Variants in BSPH1 observed in about 807,000 individuals in gnomAD.
The protein encoded by BSPH1 is binder of sperm 1.
Under a neutral mutation model 22.5 loss-of-function variants are expected in BSPH1, and 21 were observed. That is an observed-to-expected ratio of 0.93 (90% CI 0.66 to 1.35). The LOEUF (loss-of-function observed/expected upper bound fraction) is 1.35. BSPH1 is among the 40% of genes most tolerant of loss of function. BSPH1 has a pLI of 0.00. For synonymous variants in BSPH1, 42 were observed against 53.6 expected, an observed-to-expected ratio of 0.78 and a Z score of 0.95; for missense variants, 141 against 154.2, an observed-to-expected ratio of 0.91 and a Z score of 0.45.
chr19:47,978,896 C>A (rs1354688962), intron 3 of BSPH1, among the ~76,000 whole-genome samples: 3 of 152,152 alleles, frequency 2.0e-5, no homozygotes, highest in South Asian at 2.1e-4. Flanking sequence ...ACTTTATTTT[C>A]TTTCAAACAT....
intron 5 of BSPH1, among the ~76,000 whole-genome samples, chr19:47,971,709 T>A (rs535134423): frequency 2.4e-3 from 369 of 152,296 alleles, no homozygotes; most frequent in Non-Finnish European, 4.5e-3. Context: ...GATCTTCACA[T>A]AGCTGGCCTA....
Position 47,976,698 on chromosome 19 carries a change from G to A in BSPH1, c.*2+12C>T. ...TTAAACGTCTTCATCCCCCTCCCCTGGTAAATCTCACCATCATTCACAGTA... is the reference window on the plus strand; with the variant it reads ...TTAAACGTCTTCATCCCCCTCCCCTAGTAAATCTCACCATCATTCACAGTA... On this transcript the variant is annotated intron_variant, in intron 5 of 5. Coordinates refer to ENST00000344839, the MANE Select transcript of BSPH1 (RefSeq NM_001128326.2). 6.5e-7 allele frequency: 1 copy of A among 1,549,414 alleles called. No individual in the cohort carries two copies. The highest frequency in any genetic ancestry group is 8.7e-7 in the Non-Finnish European group (1 of 1,145,474).
chr19:47,973,034 G>A (rs1384688324), intron 5 of BSPH1, among the ~76,000 whole-genome samples: 7 of 151,718 alleles, frequency 4.6e-5, no homozygotes, highest in Admixed American at 3.3e-4. Context: ...TGGCTAACAC[G>A]GTGAAACCCC....
chr19:47,969,960 C>T (rs905617695), intron 5 of BSPH1, among the ~76,000 whole-genome samples: 11 of 130,060 alleles, frequency 8.5e-5, no homozygotes, highest in African/African-American at 3.1e-4. Flanking sequence ...CTGAGAGAGA[C>T]TTTTAGAATT....
intron 1 of BSPH1, among the ~76,000 whole-genome samples, chr19:47,984,787 C>G (rs906628513): frequency 6.6e-6 from 1 of 152,006 alleles, no homozygotes; most frequent in Non-Finnish European, 1.5e-5. Flanking sequence ...TGGAAACCAA[C>G]TATTGATGGC....
chr19:47,977,514 A>G lies in BSPH1; in HGVS notation c.125-10T>C, dbSNP rs555389557. Reference sequence around the variant, plus strand: ...AAGACACACTCCCCATCTAGAGAAAACAAAATTCTTCCTCTGTTTCTGGGT... The same window carrying G: ...AAGACACACTCCCCATCTAGAGAAAGCAAAATTCTTCCTCTGTTTCTGGGT... On this transcript the variant is annotated splice_polypyrimidine_tract_variant and intron_variant, in intron 3 of 5. Transcript: ENST00000344839. The G allele has an allele frequency of 7.8e-5, 121 of 1,551,256 alleles. 1 individual carries two copies. The South Asian group carries it at 1.3e-3, about 17-fold the overall frequency.
intron 4 of BSPH1, 97 bp downstream of exon 4, chr19:47,977,276 T>C (rs1452081089): frequency 1.1e-6 from 1 of 877,338 alleles, no homozygotes; most frequent in Non-Finnish European, 1.7e-6. Flanking sequence ...TAATTGGCTA[T>C]GGATTCTATT....
intron 4 of BSPH1, 95 bp downstream of exon 4, chr19:47,977,278 G>T: frequency 2.2e-6 from 2 of 895,126 alleles, no homozygotes; most frequent in South Asian, 1.8e-5. Flanking sequence ...ATTGGCTATG[G>T]ATTCTATTTT....
At chr19:47,971,467 A>AG (rs1969311076) in intron 5 of BSPH1, among the ~76,000 whole-genome samples, 3 of 152,198 alleles carry the variant, frequency 2.0e-5, no homozygotes, top group East Asian at 1.9e-4. Flanking sequence ...CGGCCTCCCA[A>AG]AGTGCTGGGA....
intron 5 of BSPH1, among the ~76,000 whole-genome samples, chr19:47,973,110 G>A (rs947685004): frequency 3.3e-5 from 5 of 151,440 alleles, no homozygotes; most frequent in East Asian, 1.9e-4. Flanking sequence ...CCAGCTTCTC[G>A]GGAGGCTGAG....
rs1393916005 is a variant in BSPH1, at chr19:47,980,915, A to G, written c.94+6T>C. On this transcript the variant is annotated splice_donor_region_variant and intron_variant, in intron 2 of 5. Transcript: ENST00000344839. Reference sequence around the variant, plus strand: ...AACGCTAATAAAAGTTTTTTGATCAACTCACCCACAGTTGATGATAATTCA... The same window carrying G: ...AACGCTAATAAAAGTTTTTTGATCAGCTCACCCACAGTTGATGATAATTCA... 6.2e-6 allele frequency: 9 copies of G among 1,460,268 alleles called. No homozygotes were observed. The highest frequency in any genetic ancestry group is 2.6e-5 in the Admixed American group (1 of 39,116). The allele number at this position is 1,460,268 out of a possible 1,614,324, so 90.5% of individuals were successfully genotyped here.
chr19:47,976,235 C>T (rs979672104), intron 5 of BSPH1, among the ~76,000 whole-genome samples: 2 of 152,162 alleles, frequency 1.3e-5, no homozygotes, highest in African/African-American at 4.8e-5. Flanking sequence ...GGTGATTCTC[C>T]TGCCTCAGCT....
chr19:47,992,095 C>T lies in BSPH1; in HGVS notation c.-14G>A, dbSNP rs370879564. 23 of 1,549,366 alleles carry T rather than the reference C, an allele frequency of 1.5e-5. No homozygotes were observed. Among genetic ancestry groups the T allele is most frequent in the African/African-American group, 1.2e-4 (9 of 73,008 alleles). ...CAGGGAGCCCATGGGCAGTCACAGG[C>T]TTCCCGGTATCTCAGATCTTCCTGG... On this transcript the variant is annotated 5_prime_UTR_variant, in exon 1 of 6. Transcript: ENST00000344839.
At chr19:47,985,960 ATCG>A (rs3083231) in intron 1 of BSPH1, among the ~76,000 whole-genome samples, 3,089 of 152,312 alleles carry the variant, frequency 0.02, 82 homozygotes, top group African/African-American at 0.063. Flanking sequence ...GAATTTCAGC[ATCG>A]TCAACAGCAT....
At chr19:47,981,758 G>T in intron 1 of BSPH1, 2 of 957,942 alleles carry the variant, frequency 2.1e-6, no homozygotes, top group Non-Finnish European at 2.4e-6. Flanking sequence ...GAAGGAAACT[G>T]CCTGATAGCT....
At chr19:47,974,877 C>G (rs1048578380) in intron 5 of BSPH1, among the ~76,000 whole-genome samples, 1 of 152,096 alleles carries the variant, frequency 6.6e-6, no homozygotes, top group Non-Finnish European at 1.5e-5. Context: ...TCTCTGGTCA[C>G]CTCACTCTCC....
Position 47,976,807 on chromosome 19 carries a change from A to T in BSPH1, c.304T>A (p.Trp102Arg), listed in dbSNP as rs750004307. ...GCTTCCCCATCATCAGTACACTCCCAGTAGATCAAGCGTCTGTACCAGAAG... is the reference window on the plus strand; with the variant it reads ...GCTTCCCCATCATCAGTACACTCCCTGTAGATCAAGCGTCTGTACCAGAAG... ...FPFWYRRLIY[W>R]ECTDDGEAFG... The change falls in exon 5 of 6, where the codon TGG (tryptophan) becomes AGG (arginine). Residue 102 changes from tryptophan to arginine, a missense_variant. Transcript: ENST00000344839. 1.3e-6 allele frequency: 2 copies of T among 1,551,682 alleles called. No individual in the cohort carries two copies. The highest frequency in any genetic ancestry group is 8.7e-7 in the Non-Finnish European group (1 of 1,146,916).
intron 1 of BSPH1, among the ~76,000 whole-genome samples, chr19:47,989,529 A>G (rs1049771406): frequency 6.6e-6 from 1 of 151,270 alleles, no homozygotes; most frequent in African/African-American, 2.4e-5. Flanking sequence ...ATACATCCCC[A>G]CTCATCAAGA....
At chr19:47,990,384 C>T (rs530170114) in intron 1 of BSPH1, among the ~76,000 whole-genome samples, 98 of 152,162 alleles carry the variant, frequency 6.4e-4, no homozygotes, top group African/African-American at 2.3e-3. Flanking sequence ...GGAGACCAGA[C>T]ATTGACAGCG....
Sources: allele counts gnomAD v4.1 joint callset (sites outside exome capture counted in the v4.1 genomes callset), GRCh38; gene constraint gnomAD v4.1.1; transcripts MANE v1.5; gene names NCBI Gene and HGNC (gene_info 2026-07-23, HGNC 2026-07-21).